The following METTL15 variants were observed in gnomAD, a reference collection of about 807,000 sequenced individuals.
The protein encoded by METTL15 is methyltransferase 15, mitochondrial 12S rRNA N4-cytidine, also known as 12S rRNA N(4)-cytidine methyltransferase METTL15.
In METTL15, 34 loss-of-function variants were observed where a neutral mutation model predicts 38.3. The ratio of observed to expected loss-of-function variants is 0.89; its 90% confidence interval spans 0.68 to 1.18. The LOEUF is 1.18. Ranked by LOEUF, METTL15 falls within the 50% of genes most tolerant of loss-of-function variation. The pLI, the probability that METTL15 is intolerant of heterozygous loss-of-function variation, is 0.00. For synonymous variants in METTL15, 162 were observed against 170.9 expected, an observed-to-expected ratio of 0.95 and a Z score of 0.41; for missense variants, 438 against 498.4, an observed-to-expected ratio of 0.88 and a Z score of 1.15.
chr11:28,477,401 T>G (rs1590388239), intron 6 of METTL15: 1 of 152,272 alleles, frequency 6.6e-6, no homozygotes, highest in South Asian at 2.1e-4. Context: ...TAGGCTAGTT[T>G]CGAACCCCTG....
At chr11:28,338,768 A>T (rs1352278538) in intron 3 of METTL15, among the ~76,000 whole-genome samples, 1 of 152,168 alleles carries the variant, frequency 6.6e-6, no homozygotes, top group East Asian at 1.9e-4. Context: ...GTTAAAATTG[A>T]CTTCAAATTA....
At chr11:28,523,665 C>A (rs895233856) in intron 6 of METTL15, among the ~76,000 whole-genome samples, 1 of 152,124 alleles carries the variant, frequency 6.6e-6, no homozygotes, top group Non-Finnish European at 1.5e-5. Flanking sequence ...CTACATATAA[C>A]AAACATTTAA....
At chr11:28,334,141 G>A (rs1242477852), downstream of METTL15, among the ~76,000 whole-genome samples, 1 of 151,806 alleles carries the variant, frequency 6.6e-6, no homozygotes, top group African/African-American at 2.4e-5. Context: ...AACTGTTTAG[G>A]AAGAAATAAA....
At chr11:28,278,867 C>T (rs773447681) in intron 4 of METTL15, among the ~76,000 whole-genome samples, 15 of 152,124 alleles carry the variant, frequency 9.9e-5, no homozygotes, top group Non-Finnish European at 1.6e-4. Context: ...TGCTCTGTCA[C>T]CCAGGCTTGA....
chr11:28,283,948 A>G (rs1014059658), intron 4 of METTL15, among the ~76,000 whole-genome samples: 2 of 152,154 alleles, frequency 1.3e-5, no homozygotes, highest in African/African-American at 2.4e-5. Flanking sequence ...TAAAGGAAAG[A>G]AGAGAGCAAT....
chr11:28,526,448 T>C (rs1203266169), intron 6 of METTL15: 2 of 152,270 alleles, frequency 1.3e-5, no homozygotes, highest in Non-Finnish European at 2.9e-5. Context: ...TAGCATTTCT[T>C]TATAATTATT....
intron 6 of METTL15, among the ~76,000 whole-genome samples, chr11:28,484,425 G>A (rs1851421222): frequency 6.6e-6 from 1 of 152,176 alleles, no homozygotes; most frequent in Non-Finnish European, 1.5e-5. Context: ...GTCCTGTGGA[G>A]AAGAAATGCT....
chr11:28,435,135 G>A (rs1293925574), intron 6 of METTL15, among the ~76,000 whole-genome samples: 1 of 152,108 alleles, frequency 6.6e-6, no homozygotes, highest in Admixed American at 6.6e-5. Flanking sequence ...GCTTGACCAC[G>A]TGAAATACAT....
At chr11:28,299,861 G>A (rs1346168431) in intron 6 of METTL15, among the ~76,000 whole-genome samples, 3 of 152,056 alleles carry the variant, frequency 2.0e-5, no homozygotes, top group African/African-American at 4.8e-5. Flanking sequence ...AGCATCTGGC[G>A]GTTGCCAGCA....
rs187244697 is a variant in METTL15 at position 28,119,283 on chromosome 11, T to C, written c.270+5679T>C. ...GACATATTTGTCTTGCTTACCATTA[T>C]ATCTCTAGTGCTTAGCACAAGGCCT... On this transcript the variant is annotated intron_variant, in intron 3 of 6. Coordinates refer to ENST00000407364, the MANE Select transcript of METTL15 (RefSeq NM_001113528.2). Among the ~76,000 whole-genome samples the C allele has an allele frequency of 4.6e-3, 701 of 152,360 alleles. 4 individuals carry two copies. The highest frequency in any genetic ancestry group is 7.6e-3 in the Non-Finnish European group (515 of 68,026).
chr11:28,177,598 T>A (rs1441630152), intron 3 of METTL15, among the ~76,000 whole-genome samples: 2 of 151,940 alleles, frequency 1.3e-5, no homozygotes, highest in African/African-American at 4.8e-5. Flanking sequence ...AATATAGAAC[T>A]CTGGGGATTT....
chr11:28,322,841 C>T (rs868192846), intron 6 of METTL15, among the ~76,000 whole-genome samples: 1 of 152,156 alleles, frequency 6.6e-6, no homozygotes, highest in Non-Finnish European at 1.5e-5. Flanking sequence ...ACAATGTGAG[C>T]TCCACAAGAG....
At chr11:28,136,053 C>T (rs1849503299) in intron 3 of METTL15, among the ~76,000 whole-genome samples, 1 of 152,116 alleles carries the variant, frequency 6.6e-6, no homozygotes. Context: ...TGTCAAAGTA[C>T]TATATCTGAT....
chr11:28,191,947 C>T (rs1010892817), intron 3 of METTL15, among the ~76,000 whole-genome samples: 7 of 151,616 alleles, frequency 4.6e-5, no homozygotes, highest in African/African-American at 1.7e-4. Context: ...CAGCCTGTTC[C>T]TGACCTCTGT....
intron 6 of METTL15, among the ~76,000 whole-genome samples, chr11:28,320,262 C>A (rs1031968990): frequency 6.7e-6 from 1 of 149,020 alleles, no homozygotes; most frequent in African/African-American, 2.5e-5. Flanking sequence ...CCTTGTAGAG[C>A]CGTGCTTAAA....
intron 3 of METTL15, among the ~76,000 whole-genome samples, chr11:28,149,725 G>C (rs775074680): frequency 2.0e-5 from 3 of 151,568 alleles, no homozygotes; most frequent in Non-Finnish European, 4.4e-5. Context: ...AAACCGAACT[G>C]GTATATGACT....
At chr11:28,197,983 C>A (rs538473865) in intron 3 of METTL15, among the ~76,000 whole-genome samples, 1 of 152,078 alleles carries the variant, frequency 6.6e-6, no homozygotes, top group Non-Finnish European at 1.5e-5. Context: ...CTCAGTATTT[C>A]TTTGTTTTCA....
At position 28,301,421 on chromosome 11, in the gene METTL15, C is replaced by T. The variant is rs74801591; in HGVS notation, c.778+4490C>T. Among the ~76,000 whole-genome samples, 138 of 152,186 alleles carry T rather than the reference C, an allele frequency of 9.1e-4. 1 individual carries two copies. Among genetic ancestry groups the T allele is most frequent in the African/African-American group, 3.1e-3 (129 of 41,538 alleles). ...ATGTGCTACCATTGCACTGCATTCCCTTGTCTGGCACTTATTATGCTGTAT... is the reference window on the plus strand; with the variant it reads ...ATGTGCTACCATTGCACTGCATTCCTTTGTCTGGCACTTATTATGCTGTAT... On this transcript the variant is annotated intron_variant, in intron 6 of 6. Transcript: ENST00000407364.
intron 3 of METTL15, among the ~76,000 whole-genome samples, chr11:28,153,820 T>G (rs913492838): frequency 3.9e-5 from 6 of 152,092 alleles, no homozygotes; most frequent in African/African-American, 1.4e-4. Context: ...TTCTAAATTG[T>G]CCAGATTCTG....
Sources: gnomAD v4.1 joint callset for allele counts (sites outside exome capture counted in the v4.1 genomes callset) on GRCh38, gnomAD v4.1.1 for gene constraint, MANE v1.5 for transcripts, NCBI Gene and HGNC (gene_info 2026-07-23, HGNC 2026-07-21) for gene names.